The following RANBP17 variants were observed in gnomAD, a reference collection of about 807,000 sequenced individuals.
The protein encoded by RANBP17 is ran-binding protein 17.
In RANBP17, 158 loss-of-function variants were observed where a neutral mutation model predicts 141.2. The ratio of observed to expected loss-of-function variants is 1.12; its 90% CI spans 0.98 to 1.28. The LOEUF (loss-of-function observed/expected upper bound fraction) is 1.28, where lower values mean the gene tolerates loss of function less well. Ranked by LOEUF, RANBP17 falls within the 50% of genes most tolerant of loss-of-function variation. The probability of loss-of-function intolerance (pLI) is 0.00; values close to 1 mark genes in which losing one functional copy is unlikely to be tolerated. For missense variants in RANBP17, 1,438 were observed against 1,290.7 expected (o/e 1.11, Z -1.75); for synonymous variants, 430 against 450.0 (o/e 0.96, Z 0.56).
chr5:171,070,888 A>G lies in RANBP17; in HGVS notation c.1711-99242A>G, dbSNP rs563662860. Among the ~76,000 whole-genome samples the G allele has an allele frequency of 1.1e-4, 17 of 152,156 alleles. No individual in the cohort carries two copies. The South Asian group carries it at 3.5e-3, about 32-fold the overall frequency. ...TAATGACTGCATTGTTTTCCATTTT[A>G]TGAAAGTCCCATTTGTTTAACCTGT... On this transcript the variant is annotated intron_variant, in intron 14 of 27. Coordinates refer to ENST00000523189, the MANE Select transcript of RANBP17 (RefSeq NM_022897.5).
Position 171,204,961 on chromosome 5 carries a change from T to C in RANBP17, c.2143-563T>C, listed in dbSNP as rs555013341. On this transcript the variant is annotated intron_variant, in intron 19 of 27. Coordinates refer to ENST00000523189, the MANE Select transcript of RANBP17 (RefSeq NM_022897.5). ...AATTCGAGTCTTATGACATCAAATA[T>C]AGAACTCTTTTCCTTACATCTTCCT... Among the ~76,000 whole-genome samples the C allele has an allele frequency of 2.0e-5, 3 of 152,336 alleles. No individual in the cohort carries two copies. In the East Asian group the frequency reaches 5.8e-4, roughly 29 times the overall value.
intron 24 of RANBP17, among the ~76,000 whole-genome samples, chr5:171,249,250 C>G (rs778939057): frequency 1.3e-5 from 2 of 152,180 alleles, no homozygotes; most frequent in Non-Finnish European, 2.9e-5. Flanking sequence ...CCTACCCAAC[C>G]AATACCACAG....
At chr5:170,950,487 C>G (rs1325141526) in intron 12 of RANBP17, among the ~76,000 whole-genome samples, 3 of 151,918 alleles carry the variant, frequency 2.0e-5, no homozygotes, top group South Asian at 2.1e-4. Flanking sequence ...TGAAGAAATA[C>G]TTAACATCAC....
chr5:171,067,027 A>G (rs1299188625), intron 14 of RANBP17, among the ~76,000 whole-genome samples: 1 of 152,176 alleles, frequency 6.6e-6, no homozygotes, highest in Non-Finnish European at 1.5e-5. Context: ...TTAAGTTATT[A>G]TCAATAATGA....
chr5:171,265,530 CA>C, intron 24 of RANBP17, 150 bp from the exon 25 acceptor site: 4 of 719,620 alleles, frequency 5.6e-6, no homozygotes, highest in Non-Finnish European at 6.8e-6. Context: ...AACTCTGTCT[CA>C]AAAAAACAAA....
intron 14 of RANBP17, among the ~76,000 whole-genome samples, chr5:171,103,259 C>G (rs957957282): frequency 6.6e-6 from 1 of 152,224 alleles, no homozygotes; most frequent in Non-Finnish European, 1.5e-5. Context: ...CTATAAGCCC[C>G]TGACTGGGGC....
At chr5:171,242,550 C>T (rs1332602745) in intron 23 of RANBP17, 132 bp from the exon 24 acceptor site, 51 of 896,170 alleles carry the variant, frequency 5.7e-5, no homozygotes, top group Non-Finnish European at 3.4e-6. Context: ...ATGTCATTTG[C>T]TCTATATATT....
At chr5:171,186,150 C>T (rs1761219831) in intron 18 of RANBP17, among the ~76,000 whole-genome samples, 1 of 152,222 alleles carries the variant, frequency 6.6e-6, no homozygotes, top group Non-Finnish European at 1.5e-5. Context: ...ATGAGAGAGT[C>T]AGCCTGGTGT....
At chr5:171,213,586 A>C in intron 20 of RANBP17, 45 bp from the exon 21 acceptor site, 3 of 1,343,526 alleles carry the variant, frequency 2.2e-6, no homozygotes, top group South Asian at 1.2e-5. Context: ...TTTCAGAAAC[A>C]GTATTTCTTT....
intron 20 of RANBP17, among the ~76,000 whole-genome samples, chr5:171,213,014 A>G (rs1206066123): frequency 1.3e-5 from 2 of 152,200 alleles, no homozygotes; most frequent in African/African-American, 4.8e-5. Context: ...GATGTTGAGT[A>G]GATTAATAGT....
At chr5:171,282,781 A>G (rs1039408900) in intron 25 of RANBP17, among the ~76,000 whole-genome samples, 8 of 152,044 alleles carry the variant, frequency 5.3e-5, no homozygotes, top group Admixed American at 5.2e-4. Flanking sequence ...CACCTGGCTG[A>G]AAGCTGCATC....
chr5:171,084,180 C>G (rs990807585), intron 14 of RANBP17, among the ~76,000 whole-genome samples: 1 of 143,872 alleles, frequency 7.0e-6, no homozygotes, highest in African/African-American at 2.6e-5. Context: ...TCTCATAGTT[C>G]AATTCCCACC....
chr5:171,112,846 C>T (rs758149665), intron 14 of RANBP17, among the ~76,000 whole-genome samples: 10 of 151,670 alleles, frequency 6.6e-5, no homozygotes, highest in Non-Finnish European at 1.5e-4. Context: ...TTAAACAAAG[C>T]TCTATAAAAA....
chr5:170,935,842 GTCTGCAGAAGTT>G (rs1487599281), intron 12 of RANBP17, among the ~76,000 whole-genome samples: 22 of 152,324 alleles, frequency 1.4e-4, no homozygotes, highest in African/African-American at 5.1e-4. Context: ...GGACGTTTAA[GTCTGCAGAAGTT>G]TCTGCTGCCT....
At chr5:171,159,917 CAAAAAAAA>C (rs1175963382) in intron 14 of RANBP17, among the ~76,000 whole-genome samples, 4 of 41,514 alleles carry the variant, frequency 9.6e-5, no homozygotes, top group Non-Finnish European at 2.1e-4. Flanking sequence ...GACTCCATCT[CAAAAAAAA>C]AAAAAAAAAA....
chr5:171,187,078 G>T (rs1761308243), intron 18 of RANBP17, among the ~76,000 whole-genome samples: 1 of 152,008 alleles, frequency 6.6e-6, no homozygotes, highest in African/African-American at 2.4e-5. Flanking sequence ...TGAATACTTG[G>T]AGGCCATCAC....
chr5:170,897,928 A>G (rs976686001), intron 5 of RANBP17, among the ~76,000 whole-genome samples: 2 of 152,210 alleles, frequency 1.3e-5, no homozygotes, highest in African/African-American at 4.8e-5. Context: ...TATACCCAGT[A>G]ATGGGATTGT....
At chr5:170,942,582 A>T (rs963414558) in intron 12 of RANBP17, among the ~76,000 whole-genome samples, 1 of 143,730 alleles carries the variant, frequency 7.0e-6, no homozygotes. Context: ...AGGAAGCTTT[A>T]AAAAATCAAA....
At chr5:170,918,403 T>TACACACACACACAC (rs55900214) in intron 9 of RANBP17, 2,816 of 161,652 alleles carry the variant, frequency 0.017, 53 homozygotes, top group African/African-American at 0.033. Context: ...TAAACCACAG[T>TACACACACACACAC]ACACACACAC....
Sources: gnomAD v4.1 joint callset for allele counts (sites outside exome capture counted in the v4.1 genomes callset) on GRCh38, gnomAD v4.1.1 for gene constraint, MANE v1.5 for transcripts, NCBI Gene and HGNC (gene_info 2026-07-23, HGNC 2026-07-21) for gene names.